The following SLC24A2 variants were observed in gnomAD, a reference collection of about 807,000 sequenced individuals.
SLC24A2 encodes sodium/potassium/calcium exchanger 2.
SLC24A2 carries 36 observed loss-of-function variants against 62.0 expected under a neutral mutation model. The observed-to-expected ratio is 0.58, with a 90% CI of 0.44 to 0.77. The LOEUF (loss-of-function observed/expected upper bound fraction) is 0.77, where lower values mean the gene tolerates loss of function less well. Ranked by LOEUF, SLC24A2 falls within the 30% of genes least tolerant of loss-of-function variation. SLC24A2 has a pLI of 0.00. For missense variants in SLC24A2, 846 were observed against 817.9 expected (o/e 1.03, Z -0.42); for synonymous variants, 358 against 294.0 (o/e 1.22, Z -2.23).
intron 2 of SLC24A2, among the ~76,000 whole-genome samples, chr9:19,769,025 C>G (rs1822603409): frequency 1.3e-5 from 2 of 152,146 alleles, no homozygotes. Flanking sequence ...TATTTCTAGT[C>G]TGAATTCCAG....
intron 7 of SLC24A2, among the ~76,000 whole-genome samples, chr9:19,572,111 C>CA (rs202225997): frequency 0.041 from 5,799 of 142,644 alleles, 301 homozygotes; most frequent in African/African-American, 0.13. Flanking sequence ...ACTAAAAATG[C>CA]AAAAAAAAAA....
At chr9:20,182,979 C>T in the SLC24A2 span, among the ~76,000 whole-genome samples, 1 of 152,140 alleles carries the variant, frequency 6.6e-6, no homozygotes, top group Non-Finnish European at 1.5e-5. Context: ...GTAAAATGAG[C>T]TTAATAGTTC....
At chr9:20,091,913 T>TA in the SLC24A2 span, among the ~76,000 whole-genome samples, 2 of 152,114 alleles carry the variant, frequency 1.3e-5, no homozygotes, top group African/African-American at 4.8e-5. Flanking sequence ...ATGCAGCCAT[T>TA]AAAAATAATG....
the SLC24A2 span, among the ~76,000 whole-genome samples, chr9:19,935,251 G>T: frequency 7.9e-5 from 12 of 151,648 alleles, no homozygotes; most frequent in African/African-American, 2.9e-4. Context: ...TTAAAGACAG[G>T]GGGGTTCTAG....
the SLC24A2 span, among the ~76,000 whole-genome samples, chr9:20,219,951 C>T: frequency 2.0e-5 from 3 of 152,158 alleles, no homozygotes; most frequent in Admixed American, 6.5e-5. Context: ...AGAGTCTATC[C>T]TACCTACCAT....
At chr9:19,831,442 G>A in the SLC24A2 span, among the ~76,000 whole-genome samples, 1 of 151,958 alleles carries the variant, frequency 6.6e-6, no homozygotes, top group Admixed American at 6.6e-5. Context: ...CTTCCTGCTG[G>A]CAGATAAAAT....
chr9:19,517,406 T>TTTGAAACATTACA (rs1431381193), intron 10 of SLC24A2, among the ~76,000 whole-genome samples: 1 of 152,184 alleles, frequency 6.6e-6, no homozygotes, highest in African/African-American at 2.4e-5. Flanking sequence ...GAGGTACTCT[T>TTTGAAACATTACA]TTGAAACATT....
At chr9:19,819,780 A>G in the SLC24A2 span, among the ~76,000 whole-genome samples, 5 of 151,844 alleles carry the variant, frequency 3.3e-5, no homozygotes, top group South Asian at 2.1e-4. Context: ...TGCAGCCACT[A>G]TGGAAAACAG....
chr9:19,734,311 A>G (rs1267896251), intron 2 of SLC24A2, among the ~76,000 whole-genome samples: 3 of 152,190 alleles, frequency 2.0e-5, no homozygotes, highest in Admixed American at 6.6e-5. Flanking sequence ...GTTTGAAGTC[A>G]GGTAGCGTGA....
chr9:19,715,362 G>A (rs1445974541), intron 2 of SLC24A2, among the ~76,000 whole-genome samples: 1 of 152,148 alleles, frequency 6.6e-6, no homozygotes, highest in Non-Finnish European at 1.5e-5. Context: ...CAAGATTAGA[G>A]TCATAATTGC....
the SLC24A2 span, among the ~76,000 whole-genome samples, chr9:20,162,419 G>C: frequency 9.1e-3 from 1,376 of 151,990 alleles, 26 homozygotes; most frequent in African/African-American, 0.031. Flanking sequence ...ACCCTCCCAA[G>C]ACTAAACCAG....
chr9:20,129,245 T>C, the SLC24A2 span, among the ~76,000 whole-genome samples: 5 of 152,222 alleles, frequency 3.3e-5, no homozygotes, highest in East Asian at 1.9e-4. Context: ...ATAAACGAGA[T>C]ACTTCACACC....
chr9:20,097,720 A>ATTTTTTTTT, the SLC24A2 span, among the ~76,000 whole-genome samples: 127 of 69,100 alleles, frequency 1.8e-3, 10 homozygotes, highest in East Asian at 0.012. Context: ...ATCTTAAATA[A>ATTTTTTTTT]TTTTTTTTTT....
the SLC24A2 span, among the ~76,000 whole-genome samples, chr9:19,895,643 G>T: frequency 6.6e-6 from 1 of 151,090 alleles, no homozygotes; most frequent in Non-Finnish European, 1.5e-5. Flanking sequence ...TGGCAGCCGG[G>T]CACCAAGTCT....
chr9:19,736,391 A>T (rs1821511040), intron 2 of SLC24A2, among the ~76,000 whole-genome samples: 1 of 152,222 alleles, frequency 6.6e-6, no homozygotes, highest in African/African-American at 2.4e-5. Context: ...ATCAGTACCC[A>T]ATCACCTGCA....
intron 2 of SLC24A2, among the ~76,000 whole-genome samples, chr9:19,636,386 T>TCTTTCTTCCTCCCTCCCTCCCTCC (rs1554690439): frequency 3.4e-4 from 8 of 23,394 alleles, no homozygotes; most frequent in African/African-American, 1.1e-3. Context: ...TTTCTTTCTT[T>TCTTTCTTCCTCCCTCCCTCCCTCC]CTCCCTCTCT....
At chr9:19,534,646 A>G (rs1222452180) in intron 8 of SLC24A2, among the ~76,000 whole-genome samples, 5 of 152,086 alleles carry the variant, frequency 3.3e-5, no homozygotes, top group Non-Finnish European at 5.9e-5. Context: ...GCTGACAATG[A>G]TAGTTTCCAG....
At chr9:20,235,130 G>A in the SLC24A2 span, among the ~76,000 whole-genome samples, 20,225 of 152,160 alleles carry the variant, frequency 0.13, 1,591 homozygotes, top group African/African-American at 0.21. Flanking sequence ...GTGTCAGTCC[G>A]CCCCTACTGG....
chr9:19,619,528 C>A (rs531263671), intron 4 of SLC24A2, 56 bp downstream of exon 4: 9 of 1,313,886 alleles, frequency 6.8e-6, no homozygotes, highest in Middle Eastern at 1.8e-4. Context: ...TGCAGAGAAG[C>A]CTTTTGGCAT....
Sources: gnomAD v4.1 joint callset for allele counts (sites outside exome capture counted in the v4.1 genomes callset) on GRCh38, gnomAD v4.1.1 for gene constraint, MANE v1.5 for transcripts, NCBI Gene and HGNC (gene_info 2026-07-23, HGNC 2026-07-21) for gene names.